The following DPP10 variants were observed in gnomAD, a reference collection of about 807,000 sequenced individuals.
DPP10 encodes dipeptidyl peptidase like 10, also known as inactive dipeptidyl peptidase 10.
A neutral mutation model predicts 120.9 loss-of-function variants in DPP10; 33 were observed. The observed-to-expected ratio is 0.27, with a 90% CI of 0.21 to 0.37. The LOEUF (loss-of-function observed/expected upper bound fraction) is 0.37, where lower values mean the gene tolerates loss of function less well. Ranked by LOEUF, DPP10 falls within the 10% of genes least tolerant of loss-of-function variation. The pLI, the probability that DPP10 is intolerant of heterozygous loss-of-function variation, is 1.00. For synonymous variants in DPP10, 337 were observed against 326.1 expected (o/e 1.03, Z -0.36); for missense variants, 816 against 942.8 (o/e 0.87, Z 1.76).
intron 1 of DPP10, among the ~76,000 whole-genome samples, chr2:114,583,173 A>AG (rs1427296941): frequency 6.6e-6 from 1 of 152,186 alleles, no homozygotes; most frequent in Non-Finnish European, 1.5e-5. Context: ...TAGCTATCTA[A>AG]GTATATGTGC....
chr2:115,014,862 C>CAAAAAA (rs144688918), intron 1 of DPP10, among the ~76,000 whole-genome samples: 2 of 118,604 alleles, frequency 1.7e-5, no homozygotes, highest in Non-Finnish European at 3.4e-5. Flanking sequence ...GCCTACCAAC[C>CAAAAAA]AAAAAAAAAA....
chr2:115,460,023 G>A (rs2073896369), intron 3 of DPP10, among the ~76,000 whole-genome samples: 1 of 150,360 alleles, frequency 6.7e-6, no homozygotes. Flanking sequence ...CCTCAAGGAT[G>A]TAAAAGTACA....
intron 7 of DPP10, among the ~76,000 whole-genome samples, chr2:115,708,982 A>G (rs1267894370): frequency 6.6e-6 from 1 of 152,120 alleles, no homozygotes; most frequent in African/African-American, 2.4e-5. Flanking sequence ...GCAATTGCTC[A>G]CACATCAATC....
intron 1 of DPP10, among the ~76,000 whole-genome samples, chr2:115,122,944 G>A (rs1300224919): frequency 1.1e-4 from 17 of 152,160 alleles, no homozygotes. Flanking sequence ...ATCATTCTGG[G>A]CATTGGTTAG....
chr2:115,131,045 C>A (rs2104787407), intron 1 of DPP10: 1 of 152,320 alleles, frequency 6.6e-6, no homozygotes, highest in East Asian at 1.9e-4. Flanking sequence ...CCTTCTCATT[C>A]TGTAGCCATC....
chr2:115,809,513 T>C (rs1360446755), intron 19 of DPP10, among the ~76,000 whole-genome samples: 2 of 152,206 alleles, frequency 1.3e-5, no homozygotes, highest in Non-Finnish European at 2.9e-5. Context: ...TGCATATTGT[T>C]TCCTTTTCCT....
At chr2:114,822,162 A>G (rs1686145215) in intron 1 of DPP10, among the ~76,000 whole-genome samples, 2 of 152,162 alleles carry the variant, frequency 1.3e-5, no homozygotes, top group Admixed American at 6.5e-5. Flanking sequence ...GCCCCTGAAC[A>G]TCCAGATGTT....
At chr2:115,484,325 G>A (rs2075635288) in intron 3 of DPP10, among the ~76,000 whole-genome samples, 2 of 151,830 alleles carry the variant, frequency 1.3e-5, no homozygotes, top group Non-Finnish European at 2.9e-5. Context: ...TTGTGTAATA[G>A]ATCTGTGGTT....
intron 3 of DPP10, among the ~76,000 whole-genome samples, chr2:115,480,485 A>T (rs796669078): frequency 1.2e-4 from 19 of 152,074 alleles, no homozygotes; most frequent in African/African-American, 4.6e-4. Context: ...TATTCATTCT[A>T]TTGTTGCTTG....
chr2:114,480,764 G>A (rs1161907224), intron 1 of DPP10, among the ~76,000 whole-genome samples: 2 of 151,392 alleles, frequency 1.3e-5, no homozygotes, highest in South Asian at 2.1e-4. Flanking sequence ...GTTAAATGAC[G>A]AGTTAATGGG....
chr2:114,897,591 C>T (rs1222389040), intron 1 of DPP10, among the ~76,000 whole-genome samples: 2 of 151,696 alleles, frequency 1.3e-5, no homozygotes, highest in East Asian at 1.9e-4. Context: ...TTTTCACAAC[C>T]TACTCATCTG....
At chr2:115,455,689 C>G (rs1241538036) in intron 3 of DPP10, among the ~76,000 whole-genome samples, 2 of 152,088 alleles carry the variant, frequency 1.3e-5, no homozygotes, top group Admixed American at 6.6e-5. Context: ...TGATCTTTGA[C>G]AAACCTGACA....
At chr2:114,665,547 GA>G (rs143439661) in intron 1 of DPP10, among the ~76,000 whole-genome samples, 13,676 of 152,218 alleles carry the variant, frequency 0.09, 935 homozygotes, top group Admixed American at 0.2. Flanking sequence ...TCAAAGGAGG[GA>G]AAGGAAGCTG....
At chr2:115,179,394 A>T (rs1347204072) in intron 1 of DPP10, among the ~76,000 whole-genome samples, 1 of 152,068 alleles carries the variant, frequency 6.6e-6, no homozygotes, top group Non-Finnish European at 1.5e-5. Context: ...AAATATAGAG[A>T]CTCTCAATAC....
chr2:114,957,091 G>A (rs771368162), intron 1 of DPP10, among the ~76,000 whole-genome samples: 1 of 151,014 alleles, frequency 6.6e-6, no homozygotes, highest in Non-Finnish European at 1.5e-5. Flanking sequence ...AAGAATACGT[G>A]AAAATAAAAA....
intron 3 of DPP10, among the ~76,000 whole-genome samples, chr2:115,470,663 C>G (rs2074650831): frequency 6.6e-6 from 1 of 152,184 alleles, no homozygotes; most frequent in Non-Finnish European, 1.5e-5. Context: ...TTCCAATCAG[C>G]TGTCCCAACA....
intron 19 of DPP10, among the ~76,000 whole-genome samples, chr2:115,810,653 G>A (rs1405896604): frequency 3.3e-5 from 5 of 152,134 alleles, no homozygotes; most frequent in African/African-American, 9.7e-5. Context: ...TCTGCTACTT[G>A]TGTTAGGAAA....
At chr2:115,582,110 G>T (rs987253523) in intron 5 of DPP10, among the ~76,000 whole-genome samples, 2 of 152,126 alleles carry the variant, frequency 1.3e-5, no homozygotes, top group Non-Finnish European at 2.9e-5. Context: ...AGATCCAAGT[G>T]CCCCATCTGA....
intron 1 of DPP10, among the ~76,000 whole-genome samples, chr2:114,556,425 T>C (rs1014702662): frequency 6.6e-6 from 1 of 150,562 alleles, no homozygotes; most frequent in African/African-American, 2.4e-5. Flanking sequence ...GCCTGAAGAG[T>C]TGGGTGAATG....
Sources: allele counts gnomAD v4.1 joint callset (sites outside exome capture counted in the v4.1 genomes callset), GRCh38; gene constraint gnomAD v4.1.1; transcripts MANE v1.5; gene names NCBI Gene and HGNC (gene_info 2026-07-23, HGNC 2026-07-21).